LEKR1: variants seen among roughly 807,000 people sequenced by gnomAD.
LEKR1 encodes the protein leucine, glutamate and lysine rich 1.
In LEKR1, 59 loss-of-function variants were observed where a neutral mutation model predicts 72.4. That is an observed-to-expected ratio of 0.82 (90% CI 0.66 to 1.01). The LOEUF is 1.01. Ranked by LOEUF, LEKR1 falls within the 50% of genes least tolerant of loss-of-function variation. The probability of loss-of-function intolerance (pLI) is 0.00; values close to 1 mark genes in which losing one functional copy is unlikely to be tolerated. For synonymous variants in LEKR1, 257 were observed against 263.2 expected, an observed-to-expected ratio of 0.98 and a Z score of 0.23; for missense variants, 728 against 759.2, an observed-to-expected ratio of 0.96 and a Z score of 0.48.
intron 3 of LEKR1, among the ~76,000 whole-genome samples, chr3:156,870,139 G>A (rs1717758780): frequency 6.6e-6 from 1 of 151,962 alleles, no homozygotes; most frequent in South Asian, 2.1e-4. Context: ...CAGATGGTGT[G>A]GTGCTTCCAG....
At position 157,028,099 on chromosome 3, in the gene LEKR1, A is replaced by G. The variant is rs772528792; in HGVS notation, c.1369-4A>G. The G allele has an allele frequency of 2.6e-6, 4 of 1,546,020 alleles. No homozygotes were observed. The highest frequency in any genetic ancestry group is 1.2e-5 in the South Asian group (1 of 80,292). On this transcript the variant is annotated splice_polypyrimidine_tract_variant and splice_region_variant and intron_variant, in intron 11 of 12. Transcript: ENST00000356539. ...TACAAGCTAATATGAGATTTATCTT[A>G]CAGATATCTGACTTAATCACAGGCG... is the stretch of plus-strand genomic sequence containing the variant.
chr3:157,002,189 A>T (rs1732067634), intron 9 of LEKR1, among the ~76,000 whole-genome samples: 1 of 152,196 alleles, frequency 6.6e-6, no homozygotes, highest in African/African-American at 2.4e-5. Flanking sequence ...TTCTAGAAAA[A>T]GAAGTCAGAT....
intron 10 of LEKR1, among the ~76,000 whole-genome samples, chr3:157,017,874 A>G (rs1733481887): frequency 6.7e-6 from 1 of 149,194 alleles, no homozygotes; most frequent in African/African-American, 2.5e-5. Flanking sequence ...GCGTGAACCC[A>G]GGAGGCGGAG....
chr3:156,833,943 A>G lies in LEKR1; in HGVS notation c.48+4566A>G, dbSNP rs975209360. ...TTTGCAGTTTACTTAAAAGGCAAAA[A>G]CATTTCATTGTGGCTCAGTATTACA... is the stretch of plus-strand genomic sequence containing the variant. On this transcript the variant is annotated intron_variant, in intron 2 of 12. Transcript: ENST00000356539. 2.0e-5 allele frequency among the ~76,000 whole-genome samples: 3 copies of G among 151,926 alleles called. No homozygotes were observed. In the South Asian group the frequency reaches 6.2e-4, roughly 32 times the overall value.
intron 7 of LEKR1, among the ~76,000 whole-genome samples, chr3:156,985,599 C>A (rs9861573): frequency 6.6e-6 from 1 of 152,050 alleles, no homozygotes. Context: ...TTTTGGGAGA[C>A]TGAGGCGAGG....
At chr3:156,893,503 A>G (rs1210644848) in intron 3 of LEKR1, among the ~76,000 whole-genome samples, 1 of 151,818 alleles carries the variant, frequency 6.6e-6, no homozygotes. Flanking sequence ...CTGGTGGGAG[A>G]TATTTAGGTC....
intron 3 of LEKR1, among the ~76,000 whole-genome samples, chr3:156,912,262 A>G (rs567436442): frequency 6.6e-6 from 1 of 152,180 alleles, no homozygotes; most frequent in East Asian, 1.9e-4. Context: ...ATTGTACCCA[A>G]TATGTAGTGT....
At chr3:156,946,489 T>C (rs1481849272) in intron 6 of LEKR1, among the ~76,000 whole-genome samples, 2 of 151,490 alleles carry the variant, frequency 1.3e-5, no homozygotes, top group African/African-American at 4.8e-5. Flanking sequence ...TGAATAATGG[T>C]GGTGAAAGTG....
At chr3:156,918,486 A>G (rs1723871974) in intron 3 of LEKR1, among the ~76,000 whole-genome samples, 1 of 152,112 alleles carries the variant, frequency 6.6e-6, no homozygotes, top group African/African-American at 2.4e-5. Context: ...TTTCACCACC[A>G]TCATGGACTA....
At chr3:156,920,819 G>A (rs1031741985) in intron 4 of LEKR1, 125 bp downstream of exon 4, 4 of 552,908 alleles carry the variant, frequency 7.2e-6, no homozygotes, top group Non-Finnish European at 1.2e-5. Context: ...AAGTGAAACA[G>A]CATTAGGTTT....
chr3:157,013,761 G>A (rs1399321759), intron 10 of LEKR1, among the ~76,000 whole-genome samples: 1 of 152,062 alleles, frequency 6.6e-6, no homozygotes, highest in African/African-American at 2.4e-5. Context: ...CATGAGAAAG[G>A]AGAATCATTA....
chr3:156,956,237 C>T (rs1727622125), intron 6 of LEKR1, among the ~76,000 whole-genome samples: 1 of 151,938 alleles, frequency 6.6e-6, no homozygotes, highest in African/African-American at 2.4e-5. Flanking sequence ...ACATTGGACA[C>T]CTACCTCACT....
intron 2 of LEKR1, among the ~76,000 whole-genome samples, chr3:156,844,067 A>G (rs1334823283): frequency 6.6e-6 from 1 of 152,150 alleles, no homozygotes; most frequent in African/African-American, 2.4e-5. Flanking sequence ...CTGACCATAG[A>G]AGGTCATTGA....
intron 3 of LEKR1, among the ~76,000 whole-genome samples, chr3:156,876,012 A>G (rs972764723): frequency 2.0e-5 from 3 of 151,088 alleles, no homozygotes; most frequent in African/African-American, 4.9e-5. Context: ...AAAAAAAAAA[A>G]AAAAGAAATG....
At chr3:157,041,221 G>C (rs1735318031) in intron 12 of LEKR1, among the ~76,000 whole-genome samples, 1 of 152,114 alleles carries the variant, frequency 6.6e-6, no homozygotes, top group African/African-American at 2.4e-5. Context: ...TAAGGATGCA[G>C]GAATGCCTAG....
At chr3:156,833,199 A>G (rs1712666740) in intron 2 of LEKR1, among the ~76,000 whole-genome samples, 1 of 152,334 alleles carries the variant, frequency 6.6e-6, no homozygotes, top group East Asian at 1.9e-4. Context: ...TTCAGTCCAT[A>G]CAGTTAATTC....
At chr3:156,975,913 T>C (rs750711620) in intron 6 of LEKR1, among the ~76,000 whole-genome samples, 9 of 152,192 alleles carry the variant, frequency 5.9e-5, no homozygotes, top group Non-Finnish European at 1.3e-4. Flanking sequence ...AATGTCATGC[T>C]GAGTGACAGA....
rs544540368 is a variant in LEKR1 at position 156,840,089 on chromosome 3, T to A, written c.48+10712T>A. 3.3e-5 allele frequency among the ~76,000 whole-genome samples: 5 copies of A among 152,226 alleles called. No homozygotes were observed. In the South Asian group the frequency reaches 1.0e-3, roughly 32 times the overall value. The stretch of plus-strand genomic sequence containing the variant: ...CTTAATGAAGATTAAATATATTTCC[T>A]CTTTCTTATGATGATTTTCTTAACA... On this transcript the variant is annotated intron_variant, in intron 2 of 12. Coordinates refer to ENST00000356539, the MANE Select transcript of LEKR1 (RefSeq NM_001004316.3).
At chr3:156,995,785 T>C (rs1731511610) in intron 9 of LEKR1, among the ~76,000 whole-genome samples, 1 of 152,150 alleles carries the variant, frequency 6.6e-6, no homozygotes, top group East Asian at 1.9e-4. Flanking sequence ...TCAGCTGAGA[T>C]CACGCCATTG....
Sources: allele counts gnomAD v4.1 joint callset (sites outside exome capture counted in the v4.1 genomes callset), GRCh38; gene constraint gnomAD v4.1.1; transcripts MANE v1.5; gene names NCBI Gene and HGNC (gene_info 2026-07-23, HGNC 2026-07-21).